Variants in ZNF91 observed in about 807,000 individuals in gnomAD.
ZNF91 encodes the protein zinc finger protein 91.
ZNF91 carries 7 observed loss-of-function variants against 12.6 expected under a neutral mutation model. The ratio of observed to expected loss-of-function variants is 0.55; its 90% CI spans 0.31 to 1.04. ZNF91 has a LOEUF of 1.04. Among genes scored for constraint, ZNF91 ranks in the 50% least tolerant of loss-of-function variants. The pLI, the probability that ZNF91 is intolerant of heterozygous loss-of-function variation, is 0.05. For missense variants in ZNF91, 1,217 were observed against 1,385.4 expected, an observed-to-expected ratio of 0.88 and a Z score of 1.93; for synonymous variants, 453 against 462.6, an observed-to-expected ratio of 0.98 and a Z score of 0.27.
intron 1 of ZNF91, among the ~76,000 whole-genome samples, chr19:23,387,785 CA>C (rs1969923058): frequency 6.6e-6 from 1 of 151,676 alleles, no homozygotes; most frequent in Non-Finnish European, 1.5e-5. Context: ...TCTAAAAATA[CA>C]AAAATTAGTC....
At chr19:23,313,944 G>T (rs1253537176), upstream of ZNF91, among the ~76,000 whole-genome samples, 1 of 152,108 alleles carries the variant, frequency 6.6e-6, no homozygotes, top group Non-Finnish European at 1.5e-5. Context: ...ACACGTGTAG[G>T]ATCTTTAATC....
chr19:23,315,089 C>A (rs150320313), upstream of ZNF91, among the ~76,000 whole-genome samples: 704 of 152,284 alleles, frequency 4.6e-3, 3 homozygotes, highest in African/African-American at 0.016. Context: ...TTTACATGGG[C>A]CCTCCTCTCA....
At chr19:23,330,825 T>C (rs1261442183) in intron 1 of ZNF91, among the ~76,000 whole-genome samples, 1 of 152,226 alleles carries the variant, frequency 6.6e-6, no homozygotes, top group African/African-American at 2.4e-5. Flanking sequence ...CTTAAGGTAC[T>C]CTACAAATAA....
At position 23,359,535 on chromosome 19, in the gene ZNF91, G is replaced by T; in HGVS notation, c.3444C>A (p.Ile1148=). 6.2e-7 allele frequency: 1 copy of T among 1,614,018 alleles called. No homozygotes were observed. The highest frequency in any genetic ancestry group is 1.7e-5 in the Admixed American group (1 of 60,006). The change falls in exon 4 of 4, where the codon ATC becomes ATA. Residue 1148 remains isoleucine (I), a synonymous_variant. Coordinates refer to ENST00000300619, the MANE Select transcript of ZNF91 (RefSeq NM_003430.4). The part of the protein sequence containing the change: ...KCGKAFNQSS[I]LTNHKKIHTI... ...TATGAATTTTCTTATGGTTAGTAAG[G>T]ATTGAAGACTGGTTAAAGGCTTTGC...
At chr19:23,320,968 C>T (rs146989415) in intron 1 of ZNF91, among the ~76,000 whole-genome samples, 165 of 152,198 alleles carry the variant, frequency 1.1e-3, no homozygotes, top group Non-Finnish European at 1.5e-3. Flanking sequence ...TGTCAGGCTG[C>T]GACTTATCTA....
chr19:23,343,507 T>C (rs551409677), intron 3 of ZNF91, among the ~76,000 whole-genome samples: 6 of 152,264 alleles, frequency 3.9e-5, no homozygotes, highest in African/African-American at 1.4e-4. Context: ...GTAAGAAAAA[T>C]GGATGTGCTG....
At chr19:23,354,216 C>CAA (rs1968432124), downstream of ZNF91, among the ~76,000 whole-genome samples, 1 of 152,002 alleles carries the variant, frequency 6.6e-6, no homozygotes, top group African/African-American at 2.4e-5. Context: ...TAACAATATC[C>CAA]AAAAACATGT....
At position 23,360,174 on chromosome 19, in the gene ZNF91, C is replaced by G. The variant is rs1222957479; in HGVS notation, c.2805G>C (p.Glu935Asp). The G allele has an allele frequency of 1.8e-5, 29 of 1,613,872 alleles. No homozygotes were observed. The highest frequency in any genetic ancestry group is 2.3e-5 in the Non-Finnish European group (27 of 1,180,002). The change falls in exon 4 of 4, where the codon GAG (glutamate) becomes GAC (aspartate). Residue 935 changes from glutamate to aspartate, a missense_variant. Glu to Asp is a conservative substitution (Grantham distance 45). This residue lies in a region of ZNF91 where 491 missense variants were observed against 489.8 expected (regional missense o/e 1.00). Coordinates refer to ENST00000300619, the MANE Select transcript of ZNF91 (RefSeq NM_003430.4). ...CACATTCTTCACATTTGTAGGGTTT[C>G]TCTCCAGTGTGCATCCTCTTATGTG... Reference protein sequence around the residue: ...LTTHKRMHTGEKPYKCEECGK... With the variant: ...LTTHKRMHTGDKPYKCEECGK...
At chr19:23,363,658 T>G (rs113415464) in intron 3 of ZNF91, among the ~76,000 whole-genome samples, 21 of 152,194 alleles carry the variant, frequency 1.4e-4, no homozygotes, top group African/African-American at 5.1e-4. Context: ...GTATACAAAA[T>G]AGGGCAATAT....
intron 1 of ZNF91, among the ~76,000 whole-genome samples, chr19:23,385,614 A>C (rs1386902124): frequency 6.6e-6 from 1 of 152,182 alleles, no homozygotes; most frequent in African/African-American, 2.4e-5. Context: ...ACTAGCTACA[A>C]AGGGCTGGAC....
At chr19:23,353,210 T>C (rs914014934), downstream of ZNF91, among the ~76,000 whole-genome samples, 5 of 152,094 alleles carry the variant, frequency 3.3e-5, no homozygotes, top group African/African-American at 1.2e-4. Flanking sequence ...TGATAGGCCA[T>C]AAAATAAGCC....
At chr19:23,374,609 TAGA>T in intron 2 of ZNF91, 26 bp downstream of exon 2, 8 of 1,582,408 alleles carry the variant, frequency 5.1e-6, no homozygotes, top group Non-Finnish European at 6.9e-6. Flanking sequence ...TAGTTTATAT[TAGA>T]AACTTAGTAT....
downstream of ZNF91, among the ~76,000 whole-genome samples, chr19:23,337,642 G>GA (rs971135945): frequency 4.0e-5 from 6 of 150,510 alleles, no homozygotes; most frequent in Non-Finnish European, 8.9e-5. Flanking sequence ...AGTACTCTAA[G>GA]AAAAAAAAAT....
rs551825208 is a variant in ZNF91 at position 23,388,208 on chromosome 19, C to T, written c.30+7117G>A. 7.9e-5 allele frequency among the ~76,000 whole-genome samples: 12 copies of T among 151,850 alleles called. No homozygotes were observed. In the East Asian group the frequency reaches 1.6e-3, roughly 20 times the overall value. Reference sequence around the variant, plus strand: ...TTGCAGTGAGCCAAGATTATGTCACCGTACTTCAGCCTGGGCAACAGAGTG... The same window carrying T: ...TTGCAGTGAGCCAAGATTATGTCACTGTACTTCAGCCTGGGCAACAGAGTG... On this transcript the variant is annotated intron_variant, in intron 1 of 3. Coordinates refer to ENST00000300619, the MANE Select transcript of ZNF91 (RefSeq NM_003430.4).
chr19:23,325,054 C>A (rs1404151972), intron 1 of ZNF91: 1 of 151,516 alleles, frequency 6.6e-6, no homozygotes, highest in Non-Finnish European at 1.5e-5. Flanking sequence ...AGGCCTCACA[C>A]CAGAACTGTC....
At position 23,358,001 on chromosome 19, in the gene ZNF91, C is replaced by A. The variant is rs571712777; in HGVS notation, c.*1402G>T. 1 of 151,932 alleles carries A rather than the reference C, an allele frequency of 6.6e-6. No homozygotes were observed. Among genetic ancestry groups the A allele is most frequent in the African/African-American group, 2.4e-5 (1 of 41,356 alleles). 9.4% of individuals were successfully genotyped at this position (151,932 alleles called of 1,614,324 possible). Reference sequence around the variant, plus strand: ...AAAATAAAAATTTAGCCTATGGGAACAATATTCTTTAACTTAATGGCAATT... The same window carrying A: ...AAAATAAAAATTTAGCCTATGGGAAAAATATTCTTTAACTTAATGGCAATT... On this transcript the variant is annotated 3_prime_UTR_variant, in exon 4 of 4. Transcript: ENST00000300619.
chr19:23,312,052 T>C (rs957196041), upstream of ZNF91, among the ~76,000 whole-genome samples: 5 of 152,154 alleles, frequency 3.3e-5, no homozygotes, highest in Non-Finnish European at 7.4e-5. Context: ...AGTCCTGCTT[T>C]CAGGAGGGGA....
At position 23,362,412 on chromosome 19, in the gene ZNF91, C is replaced by G. The variant is rs778343382; in HGVS notation, c.567G>C (p.Lys189Asn). Reference protein sequence around the residue: ...KKCFKCKKCVKSFCIRLHKTQ... With the variant: ...KKCFKCKKCVNSFCIRLHKTQ... ...TTTTGTGTAAACGGATGCAAAATGA[C>G]TTGACACATTTTTTACATTTGAAGC... The change falls in exon 4 of 4, where the codon AAG (lysine) becomes AAC (asparagine). Residue 189 changes from lysine (K) to asparagine (N), a missense_variant. By Grantham distance (94) the Lys-to-Asn change is moderately conservative (BLOSUM62 0). This residue lies in a region of ZNF91 where 726 missense variants were observed against 895.5 expected (regional missense o/e 0.81). Transcript: ENST00000300619. 1 of 1,613,834 alleles carries G rather than the reference C, an allele frequency of 6.2e-7. No individual in the cohort carries two copies. Among genetic ancestry groups the G allele is most frequent in the East Asian group, 2.2e-5 (1 of 44,854 alleles).
intron 3 of ZNF91, among the ~76,000 whole-genome samples, chr19:23,366,221 T>C (rs1364854246): frequency 6.6e-6 from 1 of 150,772 alleles, no homozygotes; most frequent in Admixed American, 6.6e-5. Flanking sequence ...CCCTCCCAGA[T>C]GGGGCGGCTG....
Sources: gnomAD v4.1 joint callset for allele counts (sites outside exome capture counted in the v4.1 genomes callset) on GRCh38, gnomAD v4.1.1 for gene constraint, gnomAD v4.1.1 regional missense constraint, MANE v1.5 for transcripts, NCBI Gene and HGNC (gene_info 2026-07-23, HGNC 2026-07-21) for gene names.